MAP3K15: variants seen among roughly 807,000 people sequenced by gnomAD.
MAP3K15 encodes mitogen-activated protein kinase kinase kinase 15.
In MAP3K15, 124 loss-of-function variants were observed where a neutral mutation model predicts 99.5. That is an observed-to-expected ratio of 1.25 (90% confidence interval 1.08 to 1.45). The LOEUF (loss-of-function observed/expected upper bound fraction) is 1.45, where lower values mean the gene tolerates loss of function less well. Ranked by LOEUF, MAP3K15 falls within the 40% of genes most tolerant of loss-of-function variation. MAP3K15 has a pLI of 0.00. For synonymous variants in MAP3K15, 494 were observed against 439.6 expected, an observed-to-expected ratio of 1.12 and a Z score of -1.55; for missense variants, 1,242 against 1,079.7, an observed-to-expected ratio of 1.15 and a Z score of -2.11.
chrX:19,412,680 T>C (rs112646500), intron 11 of MAP3K15, among the ~76,000 whole-genome samples: 3,058 of 111,155 alleles, frequency 0.028, 109 homozygotes, highest in African/African-American at 0.093. Context: ...AGCCACAGGA[T>C]CCAGTAATAG....
chrX:19,465,830 GGTGTGTGTGTGT>G lies in MAP3K15; in HGVS notation c.526-1436_526-1425del, dbSNP rs10589040. Among the ~76,000 whole-genome samples the G allele has an allele frequency of 4.9e-3, 465 of 93,988 alleles. 11 individuals carry two copies. In the East Asian group the frequency reaches 0.059, roughly 12 times the overall value. 81.6% of individuals were successfully genotyped at this position (93,988 alleles called of 115,157 possible). ...AAGGGTAAAAATTCAGGTGTGTAGG[GGTGTGTGTGTGT>G]GTGTGTGTGTGTGTGTGTGTGTGAT... On this transcript the variant is annotated intron_variant, in intron 3 of 28. Transcript: ENST00000338883.
intron 1 of MAP3K15, chrX:19,496,676 T>G (rs1219591901): frequency 9.0e-6 from 1 of 111,588 alleles, no homozygotes; most frequent in Admixed American, 9.6e-5. Flanking sequence ...AAGTAGCCCC[T>G]GCATTTCTTA....
At chrX:19,381,747 C>T (rs936936740) in intron 18 of MAP3K15, among the ~76,000 whole-genome samples, 3 of 111,966 alleles carry the variant, frequency 2.7e-5, no homozygotes, top group African/African-American at 9.7e-5. Context: ...AAGGGCTCTG[C>T]GAATAACATC....
Position 19,400,580 on chromosome X carries a change from A to G in MAP3K15, c.1928T>C (p.Leu643Ser), listed in dbSNP as rs2063600588. The stretch of plus-strand genomic sequence containing the variant: ...TCTAGATCGTCCATGACTCACCTCC[A>G]AGGTGTCTCCATCGGTCTCTCCCTC... ...ELEGETDGDTLEYEYDHDANG... is the reference protein window; with the variant it reads ...ELEGETDGDTSEYEYDHDANG... Residue 643 changes from leucine to serine, a missense_variant, in exon 14 of 29, where the codon TTG becomes TCG. Physicochemically the swap from Leu to Ser is moderately radical, Grantham distance 145. Coordinates refer to ENST00000338883, the MANE Select transcript of MAP3K15 (RefSeq NM_001001671.4). 1 of 1,193,363 alleles carries G rather than the reference A, an allele frequency of 8.4e-7. No individual in the cohort carries two copies. Among genetic ancestry groups the G allele is most frequent in the Non-Finnish European group, 1.1e-6 (1 of 880,068 alleles).
At chrX:19,379,964 G>C (rs189777285) in intron 19 of MAP3K15, among the ~76,000 whole-genome samples, 156 bp downstream of exon 19, 1 of 111,969 alleles carries the variant, frequency 8.9e-6, no homozygotes. Context: ...TGGATTGCCT[G>C]TGATGCACCT....
chrX:19,413,113 T>TACAC (rs377362996), intron 11 of MAP3K15, among the ~76,000 whole-genome samples: 3,874 of 98,648 alleles, frequency 0.039, 200 homozygotes, highest in African/African-American at 0.13. Flanking sequence ...AATGTTTTTA[T>TACAC]ACACACACAC....
chrX:19,446,271 C>T (rs1204179095), intron 6 of MAP3K15, among the ~76,000 whole-genome samples: 1 of 112,224 alleles, frequency 8.9e-6, no homozygotes, highest in African/African-American at 3.2e-5. Flanking sequence ...AGATAGATCG[C>T]TGATAGGATA....
intron 18 of MAP3K15, among the ~76,000 whole-genome samples, chrX:19,389,386 A>G (rs2063512766): frequency 9.1e-6 from 1 of 109,986 alleles, no homozygotes; most frequent in Admixed American, 9.7e-5. Context: ...TGTGTGGGGC[A>G]AACCCTTCAG....
intron 9 of MAP3K15, among the ~76,000 whole-genome samples, chrX:19,418,426 G>T (rs1216961947): frequency 9.0e-6 from 1 of 111,246 alleles, no homozygotes; most frequent in Admixed American, 9.6e-5. Context: ...TCGATCAACT[G>T]GAAGAAAGGG....
intron 15 of MAP3K15, 75 bp from the exon 16 acceptor site, chrX:19,395,283 C>T (rs1351642259): frequency 3.9e-6 from 4 of 1,014,911 alleles, no homozygotes; most frequent in Non-Finnish European, 5.4e-6. Flanking sequence ...CTCACCAGGA[C>T]CTGCCCCACT....
intron 16 of MAP3K15, among the ~76,000 whole-genome samples, chrX:19,392,874 G>T (rs144849469): frequency 5.1e-4 from 56 of 110,433 alleles, no homozygotes; most frequent in African/African-American, 1.8e-3. Context: ...CAGTCATTCT[G>T]CTTGGGTTAA....
chrX:19,403,652 G>A (rs1327219490), intron 13 of MAP3K15, among the ~76,000 whole-genome samples: 1 of 103,647 alleles, frequency 9.6e-6, no homozygotes, highest in Non-Finnish European at 2.0e-5. Context: ...ACTTTTTGCA[G>A]AGACGGGGTT....
intron 3 of MAP3K15, among the ~76,000 whole-genome samples, chrX:19,482,604 G>T (rs1484186788): frequency 1.8e-5 from 2 of 111,916 alleles, no homozygotes; most frequent in South Asian, 3.7e-4. Context: ...TGTGGGAAGA[G>T]AGATTGTCTG....
At chrX:19,439,967 G>A (rs761233886) in intron 6 of MAP3K15, among the ~76,000 whole-genome samples, 39 of 111,755 alleles carry the variant, frequency 3.5e-4, no homozygotes, top group African/African-American at 1.2e-3. Context: ...CAACCGGTGG[G>A]AGGCACTGGG....
In MAP3K15 at chrX:19,360,253, G is replaced by T. The variant is rs1304311874; in HGVS notation, c.*496C>A. The T allele has an allele frequency of 7.5e-6, 1 of 132,870 alleles. No homozygotes were observed. Among genetic ancestry groups the T allele is most frequent in the Non-Finnish European group, 1.5e-5 (1 of 66,723 alleles). The allele number at this position is 132,870 out of a possible 1,213,427, so 10.9% of individuals were successfully genotyped here. On this transcript the variant is annotated 3_prime_UTR_variant, in exon 29 of 29. Transcript: ENST00000338883. ...TACAAGGCACATTCGTATCAGTTTT[G>T]TGTTTCTCAAATTGAAGTACCATAC...
intron 1 of MAP3K15, 78 bp from the exon 2 acceptor site, chrX:19,489,045 G>GTAGATGAAGTA: frequency 5.2e-6 from 5 of 952,487 alleles, no homozygotes; most frequent in South Asian, 2.5e-5. Context: ...TCACCAGTGA[G>GTAGATGAAGTA]GAGCTATAGC....
chrX:19,504,330 G>C (rs1228882004), intron 1 of MAP3K15, among the ~76,000 whole-genome samples: 1 of 111,001 alleles, frequency 9.0e-6, no homozygotes, highest in Non-Finnish European at 1.9e-5. Flanking sequence ...GGAGGAGTGC[G>C]TCACCTAACT....
chrX:19,447,775 T>C (rs2147337616), intron 6 of MAP3K15, among the ~76,000 whole-genome samples: 1 of 90,376 alleles, frequency 1.1e-5, no homozygotes, highest in South Asian at 6.4e-4. Context: ...TCCCAGCTAC[T>C]TGGGAGGCTG....
intron 1 of MAP3K15, among the ~76,000 whole-genome samples, chrX:19,495,751 C>T (rs2064396958): frequency 9.0e-6 from 1 of 111,658 alleles, no homozygotes; most frequent in African/African-American, 3.3e-5. Context: ...TTTGCAAATA[C>T]ATATTGTTCT....
Sources: allele counts gnomAD v4.1 joint callset (sites outside exome capture counted in the v4.1 genomes callset), GRCh38; gene constraint gnomAD v4.1.1; transcripts MANE v1.5; gene names NCBI Gene and HGNC (gene_info 2026-07-23, HGNC 2026-07-21).